The following CNKSR2 variants were observed in gnomAD, a reference collection of about 807,000 sequenced individuals.
The protein encoded by CNKSR2 is CNK homolog protein 2.
In CNKSR2, 14 loss-of-function variants were observed where a neutral mutation model predicts 84.4. The observed-to-expected ratio is 0.17, with a 90% CI of 0.11 to 0.26. CNKSR2 has a LOEUF of 0.26. Ranked by LOEUF, CNKSR2 falls within the 10% of genes least tolerant of loss-of-function variation. The pLI is 1.00. For synonymous variants in CNKSR2, 275 were observed against 277.9 expected, an observed-to-expected ratio of 0.99 and a Z score of 0.10; for missense variants, 485 against 771.2, an observed-to-expected ratio of 0.63 and a Z score of 4.40.
chrX:21,612,726 C>CT, intron 20 of CNKSR2, among the ~76,000 whole-genome samples: 1 of 111,937 alleles, frequency 8.9e-6, no homozygotes, highest in Admixed American at 9.5e-5. Context: ...ACAGAGCAAT[C>CT]TAAGAAGCAA....
intron 5 of CNKSR2, among the ~76,000 whole-genome samples, chrX:21,479,168 CTTTCTG>C (rs1160249701): frequency 2.7e-5 from 3 of 111,530 alleles, no homozygotes; most frequent in African/African-American, 9.8e-5. Context: ...TGGTATTTGA[CTTTCTG>C]TTTCTGAGTT....
chrX:21,458,674 G>A (rs191195430), intron 4 of CNKSR2, among the ~76,000 whole-genome samples: 93 of 111,121 alleles, frequency 8.4e-4, no homozygotes, highest in African/African-American at 2.8e-3. Context: ...ATGTGTCATG[G>A]GGGTTTGTTG....
chrX:21,381,406 T>C (rs1324766606), intron 1 of CNKSR2, among the ~76,000 whole-genome samples: 1 of 111,789 alleles, frequency 8.9e-6, no homozygotes, highest in Non-Finnish European at 1.9e-5. Context: ...TAATGTACTC[T>C]GTTTCCCTTT....
At chrX:21,487,580 C>T (rs2091398785) in intron 5 of CNKSR2, among the ~76,000 whole-genome samples, 1 of 111,605 alleles carries the variant, frequency 9.0e-6, no homozygotes, top group Admixed American at 9.5e-5. Flanking sequence ...TGTATAGAAA[C>T]CCTTCAGCAT....
At chrX:21,556,650 A>C (rs1387054596) in intron 11 of CNKSR2, among the ~76,000 whole-genome samples, 1 of 110,702 alleles carries the variant, frequency 9.0e-6, no homozygotes, top group Non-Finnish European at 1.9e-5. Context: ...TGTGTATTGG[A>C]TTTAGCAACA....
intron 11 of CNKSR2, among the ~76,000 whole-genome samples, chrX:21,544,248 C>T (rs1486496369): frequency 1.8e-5 from 2 of 110,881 alleles, no homozygotes; most frequent in African/African-American, 6.6e-5. Context: ...TTTTGCAAAC[C>T]AAAGCAGAAG....
intron 18 of CNKSR2, among the ~76,000 whole-genome samples, chrX:21,605,057 C>A (rs1378213931): frequency 9.0e-6 from 1 of 111,143 alleles, no homozygotes; most frequent in Admixed American, 9.6e-5. Flanking sequence ...TATTTAGTGC[C>A]CACACACACA....
intron 20 of CNKSR2, among the ~76,000 whole-genome samples, chrX:21,630,986 C>T (rs1392741119): frequency 1.8e-5 from 2 of 110,631 alleles, no homozygotes; most frequent in Non-Finnish European, 3.8e-5. Context: ...TAAGCTTTGA[C>T]ATGATTCCTT....
intron 9 of CNKSR2, among the ~76,000 whole-genome samples, chrX:21,517,875 A>C (rs751833496): frequency 9.0e-6 from 1 of 111,618 alleles, no homozygotes; most frequent in Admixed American, 9.5e-5. Flanking sequence ...TTTTTTCCTA[A>C]GAATCAAAAT....
In CNKSR2 at chrX:21,563,232, A is replaced by T. The variant is rs779809023; in HGVS notation, c.1394-6A>T. On this transcript the variant is annotated splice_polypyrimidine_tract_variant and splice_region_variant and intron_variant, in intron 12 of 21. Coordinates refer to ENST00000379510, the MANE Select transcript of CNKSR2 (RefSeq NM_014927.5). ...TATATTGGTGTATTTATCTCTTTTTATATAGAAAACTCTCTACTTCGGTAT... is the reference window on the plus strand; with the variant it reads ...TATATTGGTGTATTTATCTCTTTTTTTATAGAAAACTCTCTACTTCGGTAT... 2.6e-6 allele frequency: 3 copies of T among 1,176,178 alleles called. No homozygotes were observed. The highest frequency in any genetic ancestry group is 3.4e-6 in the Non-Finnish European group (3 of 869,841).
chrX:21,397,944 A>G (rs2090140544), intron 1 of CNKSR2, among the ~76,000 whole-genome samples: 3 of 111,729 alleles, frequency 2.7e-5, no homozygotes, highest in Admixed American at 9.5e-5. Flanking sequence ...TTATTCAGAA[A>G]GCTTATTGAT....
intron 2 of CNKSR2, among the ~76,000 whole-genome samples, chrX:21,432,178 C>T (rs934223120): frequency 9.0e-6 from 1 of 110,559 alleles, no homozygotes; most frequent in Non-Finnish European, 1.9e-5. Context: ...TGTTTATTTT[C>T]CTAACTTTGG....
chrX:21,420,852 G>C (rs1452363444), intron 1 of CNKSR2, among the ~76,000 whole-genome samples: 1 of 110,923 alleles, frequency 9.0e-6, no homozygotes, highest in Non-Finnish European at 1.9e-5. Flanking sequence ...TTAGGGAAGA[G>C]ATAATACCAG....
chrX:21,585,203 A>C (rs749464305), intron 13 of CNKSR2, among the ~76,000 whole-genome samples: 1 of 108,175 alleles, frequency 9.2e-6, no homozygotes, highest in East Asian at 2.9e-4. Flanking sequence ...AGATCATGCC[A>C]CTGCACTCCA....
intron 13 of CNKSR2, among the ~76,000 whole-genome samples, chrX:21,565,690 G>A (rs939247913): frequency 9.9e-5 from 11 of 111,034 alleles, no homozygotes; most frequent in African/African-American, 3.3e-4. Context: ...TCCTAACTCT[G>A]TTCTCAGGTT....
chrX:21,408,829 C>G (rs1416616014), intron 1 of CNKSR2, among the ~76,000 whole-genome samples: 1 of 110,543 alleles, frequency 9.0e-6, no homozygotes, highest in Admixed American at 9.7e-5. Flanking sequence ...AGACTCCTAT[C>G]TATGAAACTA....
At chrX:21,573,789 G>C (rs1454787748) in intron 13 of CNKSR2, among the ~76,000 whole-genome samples, 1 of 111,611 alleles carries the variant, frequency 9.0e-6, no homozygotes, top group Admixed American at 9.5e-5. Flanking sequence ...CTGCCATTAA[G>C]GTCTCTGACA....
intron 13 of CNKSR2, among the ~76,000 whole-genome samples, chrX:21,588,223 T>A (rs1313191018): frequency 2.7e-5 from 3 of 111,876 alleles, no homozygotes; most frequent in African/African-American, 9.7e-5. Flanking sequence ...AATAATCTTA[T>A]CATTTAGGGA....
intron 5 of CNKSR2, among the ~76,000 whole-genome samples, chrX:21,480,277 G>C (rs767517874): frequency 9.0e-6 from 1 of 111,215 alleles, no homozygotes; most frequent in Non-Finnish European, 1.9e-5. Flanking sequence ...TGAAGACATC[G>C]CTCCCAGGTC....
Sources: allele counts gnomAD v4.1 joint callset (sites outside exome capture counted in the v4.1 genomes callset), GRCh38; gene constraint gnomAD v4.1.1; transcripts MANE v1.5; gene names NCBI Gene and HGNC (gene_info 2026-07-23, HGNC 2026-07-21).